LRRC8C: variants seen among roughly 807,000 people sequenced by gnomAD.
The protein encoded by LRRC8C is volume-regulated anion channel subunit LRRC8C.
In LRRC8C, 20 loss-of-function variants were observed where a neutral mutation model predicts 55.3. The observed-to-expected ratio is 0.36, with a 90% CI of 0.25 to 0.53. LRRC8C has a LOEUF of 0.53. LRRC8C is among the 20% of genes least tolerant of loss of function. LRRC8C has a pLI of 0.92. For missense variants in LRRC8C, 659 were observed against 951.4 expected, an observed-to-expected ratio of 0.69 and a Z score of 4.04; for synonymous variants, 376 against 360.7, an observed-to-expected ratio of 1.04 and a Z score of -0.48.
intron 1 of LRRC8C, among the ~76,000 whole-genome samples, chr1:89,659,135 C>G (rs1285341888): frequency 7.0e-6 from 1 of 143,788 alleles, no homozygotes; most frequent in African/African-American, 2.6e-5. Context: ...CTATGTTACC[C>G]AGTCTGGTCT....
In LRRC8C at chr1:89,714,267, A is replaced by G. The variant is rs1369410460; in HGVS notation, c.1697A>G (p.His566Arg). The change falls in exon 3 of 3, where the codon CAT becomes CGT. Residue 566 changes from histidine (H) to arginine (R), a missense_variant. Around this residue, in one of 5 missense-constraint regions of LRRC8C, gnomAD observed 344 missense variants for 464.6 expected, o/e 0.74. Transcript: ENST00000370454. This position sits in a 1 kb window ranked among gnomAD's most constrained non-coding sequence, Gnocchi z 4.6. ...CAGGCAGTGGTTGATGTTTCCAGCCATCTCCAGAAGATGTGCATACATAAT... is the reference window on the plus strand; with the variant it reads ...CAGGCAGTGGTTGATGTTTCCAGCCGTCTCCAGAAGATGTGCATACATAAT... ...IPQAVVDVSS[H>R]LQKMCIHNDG... The G allele has an allele frequency of 1.2e-6, 2 of 1,614,130 alleles. No individual in the cohort carries two copies. Among genetic ancestry groups the G allele is most frequent in the Non-Finnish European group, 1.7e-6 (2 of 1,180,020 alleles).
rs1656732055 is a variant in LRRC8C, at chr1:89,650,476, A to G, written c.-5+17154A>G. 2.0e-5 allele frequency among the ~76,000 whole-genome samples: 3 copies of G among 148,160 alleles called. No individual in the cohort carries two copies. In the Admixed American group the frequency reaches 2.1e-4, roughly 10 times the overall value. ...CCAAAAATCTACAAGACTGGAATTTAATCAGTAGAAATTAGGAAGTAAAAA... is the reference window on the plus strand; with the variant it reads ...CCAAAAATCTACAAGACTGGAATTTGATCAGTAGAAATTAGGAAGTAAAAA... On this transcript the variant is annotated intron_variant, in intron 1 of 2. Coordinates refer to ENST00000370454, the MANE Select transcript of LRRC8C (RefSeq NM_032270.5).
At chr1:89,668,862 A>C (rs904873389) in intron 1 of LRRC8C, among the ~76,000 whole-genome samples, 1 of 152,236 alleles carries the variant, frequency 6.6e-6, no homozygotes, top group Non-Finnish European at 1.5e-5. Flanking sequence ...TTATATGTCA[A>C]TTATATACCT....
chr1:89,630,497 C>T (rs1656078420), upstream of LRRC8C, among the ~76,000 whole-genome samples: 1 of 152,198 alleles, frequency 6.6e-6, no homozygotes, highest in Non-Finnish European at 1.5e-5. Flanking sequence ...GAACTACTAA[C>T]TCTGGAAGTC....
chr1:89,679,411 G>A (rs1421031298), intron 1 of LRRC8C, among the ~76,000 whole-genome samples: 11 of 151,922 alleles, frequency 7.2e-5, no homozygotes, highest in Non-Finnish European at 1.2e-4. Flanking sequence ...AAAATTAGCC[G>A]GGCGTGGTGG....
intron 1 of LRRC8C, among the ~76,000 whole-genome samples, chr1:89,651,385 G>A (rs987565663): frequency 1.1e-4 from 17 of 152,094 alleles, no homozygotes; most frequent in Middle Eastern, 3.4e-3. Context: ...TGGCTAACAC[G>A]GTGAAACCCT....
Position 89,716,900 on chromosome 1 carries a change from C to T in LRRC8C, c.*1918C>T, listed in dbSNP as rs1412832046. On this transcript the variant is annotated 3_prime_UTR_variant, in exon 3 of 3. Coordinates refer to ENST00000370454, the MANE Select transcript of LRRC8C (RefSeq NM_032270.5). The stretch of plus-strand genomic sequence containing the variant: ...TTCAACTTTACATCATGAGGTGAAG[C>T]ATTAGGGAAAGAGATTCTTTCGATT... 1.3e-5 allele frequency: 2 copies of T among 152,102 alleles called. No homozygotes were observed. The highest frequency in any genetic ancestry group is 4.8e-5 in the African/African-American group (2 of 41,418). The allele number at this position is 152,102 out of a possible 1,614,324, so 9.4% of individuals were successfully genotyped here.
chr1:89,697,593 A>C (rs1658211588), intron 2 of LRRC8C, among the ~76,000 whole-genome samples: 1 of 152,266 alleles, frequency 6.6e-6, no homozygotes, highest in African/African-American at 2.4e-5. Flanking sequence ...GTTATAAATC[A>C]AAACATGTTC....
intron 1 of LRRC8C, among the ~76,000 whole-genome samples, chr1:89,663,880 A>T (rs1365256120): frequency 2.0e-5 from 3 of 152,154 alleles, no homozygotes; most frequent in Admixed American, 6.5e-5. Flanking sequence ...ATGACCAGTG[A>T]TGATGAGCTT....
chr1:89,662,009 T>C (rs1657135021), intron 1 of LRRC8C, among the ~76,000 whole-genome samples: 1 of 152,118 alleles, frequency 6.6e-6, no homozygotes. Context: ...CTGTTGCAAA[T>C]GCAAAAGCAG....
chr1:89,685,540 A>G lies in LRRC8C; in HGVS notation c.-4-930A>G, dbSNP rs530899827. Among the ~76,000 whole-genome samples the G allele has an allele frequency of 3.9e-5, 6 of 152,002 alleles. No individual in the cohort carries two copies. The South Asian group carries it at 1.2e-3, about 32-fold the overall frequency. ...TATTTCTTCTCACAGTAGGAGGATG[A>G]TTGCCATAAGATACAGAAAGAATAT... On this transcript the variant is annotated intron_variant, in intron 1 of 2. Coordinates refer to ENST00000370454, the MANE Select transcript of LRRC8C (RefSeq NM_032270.5).
intron 1 of LRRC8C, among the ~76,000 whole-genome samples, chr1:89,676,000 C>T (rs1005867212): frequency 6.6e-6 from 1 of 152,172 alleles, no homozygotes; most frequent in African/African-American, 2.4e-5. Context: ...AGCTTAGCCT[C>T]ATTTCAGTAA....
intron 1 of LRRC8C, among the ~76,000 whole-genome samples, chr1:89,675,896 A>T: frequency 6.6e-6 from 1 of 152,326 alleles, no homozygotes; most frequent in African/African-American, 2.4e-5. Flanking sequence ...GAGAGAGACT[A>T]TAGGTATACT....
chr1:89,633,633 G>A (rs1054777585), intron 1 of LRRC8C, among the ~76,000 whole-genome samples: 2 of 150,672 alleles, frequency 1.3e-5, no homozygotes, highest in Admixed American at 6.5e-5. Context: ...GGGCGCGGGG[G>A]TGGGGGGGCG....
At chr1:89,683,326 G>T (rs1657778962) in intron 1 of LRRC8C, among the ~76,000 whole-genome samples, 2 of 151,126 alleles carry the variant, frequency 1.3e-5, no homozygotes, top group South Asian at 4.2e-4. Flanking sequence ...AATCATGCAT[G>T]TGTAAAAAGA....
At chr1:89,622,013 C>T in the LRRC8C span, among the ~76,000 whole-genome samples, 1 of 152,022 alleles carries the variant, frequency 6.6e-6, no homozygotes, top group Non-Finnish European at 1.5e-5. Flanking sequence ...TCAAAAACAT[C>T]GTATATGTGA....
chr1:89,683,218 T>C (rs549574459), intron 1 of LRRC8C, among the ~76,000 whole-genome samples: 124 of 152,268 alleles, frequency 8.1e-4, no homozygotes, highest in African/African-American at 2.9e-3. Context: ...TGTGTCAACA[T>C]TTGGAAGGTC....
intron 1 of LRRC8C, among the ~76,000 whole-genome samples, chr1:89,685,399 G>A (rs1467672453): frequency 1.3e-5 from 2 of 152,064 alleles, no homozygotes; most frequent in Admixed American, 6.5e-5. Context: ...ACAGGCGTGA[G>A]CCACCGCGCC....
the LRRC8C span, among the ~76,000 whole-genome samples, chr1:89,618,824 A>G: frequency 6.6e-6 from 1 of 152,360 alleles, no homozygotes; most frequent in Non-Finnish European, 1.5e-5. Flanking sequence ...TATCTCAAAC[A>G]AACTTCAGGA....
Sources: gnomAD v4.1 joint callset for allele counts (sites outside exome capture counted in the v4.1 genomes callset) on GRCh38, gnomAD v4.1.1 for gene constraint, gnomAD v4.1.1 regional missense constraint, Gnocchi (gnomAD v3.1) non-coding constraint, MANE v1.5 for transcripts, NCBI Gene and HGNC (gene_info 2026-07-23, HGNC 2026-07-21) for gene names.